RAD54B: variants seen among roughly 807,000 people sequenced by gnomAD.
RAD54B encodes RAD54 homolog B.
RAD54B carries 78 observed loss-of-function variants against 95.8 expected under a neutral mutation model. That is an observed-to-expected ratio of 0.81 (90% CI 0.68 to 0.98). RAD54B has a LOEUF of 0.98. Among genes scored for constraint, RAD54B ranks in the 50% least tolerant of loss-of-function variants. The pLI is 0.00. For synonymous variants in RAD54B, 328 were observed against 354.9 expected, an observed-to-expected ratio of 0.92 and a Z score of 0.85; for missense variants, 957 against 1,056.6, an observed-to-expected ratio of 0.91 and a Z score of 1.31.
chr8:94,411,199 A>G lies in RAD54B; in HGVS notation c.421T>C (p.Trp141Arg), dbSNP rs1203423242. ...ACAATAAGAACAGCATCACCTTCCC[A>G]CTTTTTATGTTTTTTCTTTGAAGGC... ...CKPSKKKHKK[W>R]EGDAVLIVKG... The change falls in exon 4 of 15, where the codon TGG becomes CGG. Residue 141 changes from tryptophan (W) to arginine (R), a missense_variant. Transcript: ENST00000336148. 6.2e-7 allele frequency: 1 copy of G among 1,611,178 alleles called. No homozygotes were observed. The highest frequency in any genetic ancestry group is 1.7e-5 in the Admixed American group (1 of 59,400).
intron 3 of RAD54B, chr8:94,432,072 CAAATT>C: frequency 1.4e-6 from 2 of 1,479,004 alleles, no homozygotes; most frequent in South Asian, 2.9e-5. Flanking sequence ...AGGATATTCC[CAAATT>C]AAAGTAATTT....
At chr8:94,378,672 A>G in intron 12 of RAD54B, 38 bp from the exon 13 acceptor site, 1 of 1,395,174 alleles carries the variant, frequency 7.2e-7, no homozygotes, top group Non-Finnish European at 1.0e-6. Flanking sequence ...AGTACAGTAG[A>G]AACTAATGGC....
chr8:94,428,309 C>T (rs866139186), intron 3 of RAD54B: 24 of 982,832 alleles, frequency 2.4e-5, no homozygotes, highest in Middle Eastern at 5.2e-4. Context: ...TCATGGACCC[C>T]AAACAATTGT....
At chr8:94,466,931 GA>G (rs1191375290) in intron 2 of RAD54B, among the ~76,000 whole-genome samples, 1 of 151,932 alleles carries the variant, frequency 6.6e-6, no homozygotes, top group Non-Finnish European at 1.5e-5. Context: ...TTATTCCATT[GA>G]TTGATTGAAT....
intron 4 of RAD54B, 90 bp from the exon 5 acceptor site, chr8:94,407,810 G>A: frequency 1.8e-6 from 2 of 1,091,412 alleles, no homozygotes; most frequent in South Asian, 1.7e-5. Context: ...CACTTTGAAT[G>A]TAAATAGTCT....
At chr8:94,474,605 C>G (rs546370430) in intron 1 of RAD54B, among the ~76,000 whole-genome samples, 1 of 152,104 alleles carries the variant, frequency 6.6e-6, no homozygotes, top group Admixed American at 6.5e-5. Context: ...CGTACCGACA[C>G]TCTCCAGGAC....
intron 9 of RAD54B, 114 bp downstream of exon 9, chr8:94,393,629 G>C (rs1288140713): frequency 2.9e-6 from 3 of 1,019,806 alleles, no homozygotes; most frequent in Non-Finnish European, 4.3e-6. Context: ...GGATTGTGGA[G>C]AAAAATAAAG....
chr8:94,414,017 G>A (rs1179514006), intron 3 of RAD54B, among the ~76,000 whole-genome samples: 1 of 151,830 alleles, frequency 6.6e-6, no homozygotes, highest in South Asian at 2.1e-4. Flanking sequence ...TGTACTTTTA[G>A]CAGAGACGGG....
intron 2 of RAD54B, among the ~76,000 whole-genome samples, chr8:94,465,439 T>C (rs900623030): frequency 3.9e-5 from 6 of 152,062 alleles, no homozygotes; most frequent in Non-Finnish European, 8.8e-5. Context: ...GAAATACAAA[T>C]CAGAACCACA....
chr8:94,443,276 C>T (rs1389345982), intron 3 of RAD54B, among the ~76,000 whole-genome samples: 2 of 152,050 alleles, frequency 1.3e-5, no homozygotes, highest in South Asian at 2.1e-4. Flanking sequence ...ATGATGAGAA[C>T]GCATGGACAC....
At chr8:94,379,843 T>A in intron 12 of RAD54B, among the ~76,000 whole-genome samples, 1 of 152,228 alleles carries the variant, frequency 6.6e-6, no homozygotes, top group East Asian at 1.9e-4. Flanking sequence ...AGGCCAACTC[T>A]GCAGTAAACT....
chr8:94,407,584 T>C lies in RAD54B; in HGVS notation c.636A>G (p.Gly212=), dbSNP rs1586143671. 1 of 1,614,056 alleles carries C rather than the reference T, an allele frequency of 6.2e-7. No individual in the cohort carries two copies. The highest frequency in any genetic ancestry group is 8.5e-7 in the Non-Finnish European group (1 of 1,179,958). The change falls in exon 5 of 15, where the codon GGA becomes GGG. Residue 212 remains glycine, a synonymous_variant. Transcript: ENST00000336148. ...FSSGRCFQLG[G]GSTAISHSSQ... ...AAGAATGCGAGATAGCAGTACTTCC[T>C]CCTCCAAGCTGAAAACACCTGCCAC...
intron 4 of RAD54B, among the ~76,000 whole-genome samples, chr8:94,408,169 G>A (rs145024678): frequency 8.7e-4 from 133 of 152,280 alleles, no homozygotes; most frequent in Non-Finnish European, 8.7e-4. Flanking sequence ...TGTTCCACAT[G>A]AGATAGCAAA....
intron 3 of RAD54B, chr8:94,431,432 G>GA: frequency 1.0e-6 from 1 of 980,278 alleles, no homozygotes; most frequent in Non-Finnish European, 1.2e-6. Flanking sequence ...CAATTTTAAT[G>GA]AAAGAAATGC....
intron 1 of RAD54B, among the ~76,000 whole-genome samples, chr8:94,473,434 A>G (rs1813216741): frequency 6.6e-6 from 1 of 152,216 alleles, no homozygotes; most frequent in Admixed American, 6.5e-5. Context: ...CTTTGGCTCC[A>G]TGTGTCTCAG....
chr8:94,397,878 GCTAA>G (rs1811184313), intron 8 of RAD54B, among the ~76,000 whole-genome samples: 1 of 151,670 alleles, frequency 6.6e-6, no homozygotes, highest in Admixed American at 6.6e-5. Context: ...ACTAAATTCA[GCTAA>G]CTCATTTTTT....
intron 10 of RAD54B, 64 bp from the exon 11 acceptor site, chr8:94,387,223 G>A: frequency 1.5e-6 from 2 of 1,348,736 alleles, no homozygotes; most frequent in South Asian, 3.1e-5. Flanking sequence ...AGGGGAAAAT[G>A]CTAAAATTAT....
chr8:94,434,993 T>A (rs1049281423), intron 3 of RAD54B, among the ~76,000 whole-genome samples: 1 of 151,900 alleles, frequency 6.6e-6, no homozygotes, highest in Non-Finnish European at 1.5e-5. Flanking sequence ...CTGTTATTTT[T>A]AAAATATGCA....
intron 5 of RAD54B, among the ~76,000 whole-genome samples, chr8:94,405,976 C>G (rs1401944906): frequency 1.3e-5 from 2 of 149,150 alleles, no homozygotes; most frequent in South Asian, 4.3e-4. Flanking sequence ...GAATAATTAA[C>G]CATTTACTAT....
Sources: allele counts gnomAD v4.1 joint callset (sites outside exome capture counted in the v4.1 genomes callset), GRCh38; gene constraint gnomAD v4.1.1; transcripts MANE v1.5; gene names NCBI Gene and HGNC (gene_info 2026-07-23, HGNC 2026-07-21).